Variants in FAT3 observed in about 807,000 individuals in gnomAD.
FAT3 encodes the protein FAT atypical cadherin 3.
FAT3 carries 95 observed loss-of-function variants against 310.2 expected under a neutral mutation model. The observed-to-expected ratio is 0.31, with a 90% CI of 0.26 to 0.36. The LOEUF is 0.36. Ranked by LOEUF, FAT3 falls within the 10% of genes least tolerant of loss-of-function variation. The pLI, the probability that FAT3 is intolerant of heterozygous loss-of-function variation, is 1.00. For missense variants in FAT3, 5,408 were observed against 5,715.6 expected (o/e 0.95, Z 1.74); for synonymous variants, 2,314 against 2,192.9 (o/e 1.06, Z -1.54).
chr11:92,561,666 C>T (rs1440545116), intron 3 of FAT3, among the ~76,000 whole-genome samples: 2 of 151,920 alleles, frequency 1.3e-5, no homozygotes, highest in East Asian at 1.9e-4. Context: ...CGCTCTGTCC[C>T]CCAGGCTGGA....
rs1280461188 is a variant in FAT3 at position 92,797,821 on chromosome 11, AT to A, written c.4823-12del. ...CCACATGTAACTCATTTCACCATTG[AT>A]TTCTGTATTTTAGGGAACACTGGGA... On this transcript the variant is annotated splice_polypyrimidine_tract_variant and intron_variant, in intron 9 of 27. Coordinates refer to ENST00000525166, the MANE Select transcript of FAT3 (RefSeq NM_001367949.2). 2.5e-6 allele frequency: 4 copies of A among 1,596,960 alleles called. No homozygotes were observed.
intron 4 of FAT3, among the ~76,000 whole-genome samples, chr11:92,733,777 A>C (rs1945258693): frequency 6.6e-6 from 1 of 152,244 alleles, no homozygotes; most frequent in Admixed American, 6.5e-5. Flanking sequence ...ATATGGGATG[A>C]AATCTTGTGC....
chr11:92,566,680 C>G (rs1955461870), intron 3 of FAT3, among the ~76,000 whole-genome samples: 1 of 149,868 alleles, frequency 6.7e-6, no homozygotes, highest in Non-Finnish European at 1.5e-5. Flanking sequence ...GTACTGGTAC[C>G]AAAACAGAGA....
intron 1 of FAT3, among the ~76,000 whole-genome samples, chr11:92,245,556 T>C (rs1163086543): frequency 6.6e-6 from 1 of 152,116 alleles, no homozygotes; most frequent in Non-Finnish European, 1.5e-5. Flanking sequence ...GACCACCCTT[T>C]GGGAGCCATT....
In FAT3 at chr11:92,761,856, G is replaced by A. The variant is rs371254488; in HGVS notation, c.3670G>A (p.Val1224Met). 2.1e-5 allele frequency: 34 copies of A among 1,610,536 alleles called. No homozygotes were observed. Among genetic ancestry groups the A allele is most frequent in the Non-Finnish European group, 2.8e-5 (33 of 1,178,436 alleles). ...REQQAEHFLE[V>M]TVTDGGPSPK... ...GATCACATCATACTCTCTTTTTCAGGTGACTGTGACAGATGGTGGTCCCTC... is the reference window on the plus strand; with the variant it reads ...GATCACATCATACTCTCTTTTTCAGATGACTGTGACAGATGGTGGTCCCTC... Residue 1224 changes from valine (V) to methionine (M), a missense_variant and splice_region_variant, in exon 5 of 28, where the codon GTG becomes ATG. Transcript: ENST00000525166.
chr11:92,799,412 C>T lies in FAT3; in HGVS notation c.6399C>T (p.Asn2133=). The change falls in exon 10 of 28, where the codon AAC becomes AAT. Residue 2133 remains asparagine, a synonymous_variant. Transcript: ENST00000525166. ...LQDDYGHFEI[N]PNSGNVILKE... is the part of the protein sequence containing the mutation. The stretch of plus-strand genomic sequence containing the variant: ...ATGACTATGGCCACTTTGAAATTAA[C>T]CCTAATTCAGGGAATGTTATTTTAA... 1 of 1,613,548 alleles carries T rather than the reference C, an allele frequency of 6.2e-7. No homozygotes were observed. The highest frequency in any genetic ancestry group is 8.5e-7 in the Non-Finnish European group (1 of 1,179,708).
At chr11:92,434,192 G>A (rs183926156) in intron 2 of FAT3, among the ~76,000 whole-genome samples, 28 of 152,220 alleles carry the variant, frequency 1.8e-4, no homozygotes, top group African/African-American at 6.7e-4. Flanking sequence ...AAGTAAGGTA[G>A]TAGTGAAATG....
At chr11:92,402,905 A>C (rs1295267237) in intron 2 of FAT3, among the ~76,000 whole-genome samples, 1 of 152,016 alleles carries the variant, frequency 6.6e-6, no homozygotes. Flanking sequence ...TTAAAACTGC[A>C]GAAAACCAAA....
intron 2 of FAT3, among the ~76,000 whole-genome samples, chr11:92,390,477 A>G (rs1949724479): frequency 6.6e-6 from 1 of 152,142 alleles, no homozygotes; most frequent in African/African-American, 2.4e-5. Context: ...TCAAGGAGCC[A>G]TAGTGGTTGC....
chr11:92,584,728 C>G (rs1939042316), intron 3 of FAT3, among the ~76,000 whole-genome samples: 1 of 151,944 alleles, frequency 6.6e-6, no homozygotes, highest in Non-Finnish European at 1.5e-5. Flanking sequence ...AGTCTGTGAT[C>G]TTCACTGAGG....
rs1366673194 is a variant in FAT3, at chr11:92,535,201, C to A, written c.3607+10253C>A. Among the ~76,000 whole-genome samples the A allele has an allele frequency of 3.9e-5, 6 of 152,112 alleles. No homozygotes were observed. In the South Asian group the frequency reaches 1.0e-3, roughly 26 times the overall value. On this transcript the variant is annotated intron_variant, in intron 3 of 27. Transcript: ENST00000525166. ...GAGGTTATTGTGTTGGAGGCCCCAA[C>A]AACAGCCCTGAGAAGATGGAAGCAG... is the stretch of plus-strand genomic sequence containing the variant.
At chr11:92,489,791 C>T (rs1237304525) in intron 2 of FAT3, among the ~76,000 whole-genome samples, 1 of 151,990 alleles carries the variant, frequency 6.6e-6, no homozygotes, top group East Asian at 1.9e-4. Flanking sequence ...GGGGAAAATA[C>T]ATTATGACAC....
chr11:92,637,488 G>A (rs949094230), intron 3 of FAT3, among the ~76,000 whole-genome samples: 10 of 152,150 alleles, frequency 6.6e-5, no homozygotes, highest in Non-Finnish European at 1.3e-4. Context: ...TCTCACTTTT[G>A]CAATGAATCA....
chr11:92,781,591 T>C (rs775872818), intron 7 of FAT3, among the ~76,000 whole-genome samples: 7 of 152,176 alleles, frequency 4.6e-5, no homozygotes, highest in African/African-American at 1.7e-4. Context: ...TAACTCATTA[T>C]TGAAATCATC....
chr11:92,888,189 T>C (rs1353908569), intron 25 of FAT3, among the ~76,000 whole-genome samples: 1 of 152,188 alleles, frequency 6.6e-6, no homozygotes, highest in Non-Finnish European at 1.5e-5. Context: ...GCAGATGCCT[T>C]CAGTGTATCT....
chr11:92,841,434 A>G (rs1202736272), intron 18 of FAT3, among the ~76,000 whole-genome samples: 1 of 152,200 alleles, frequency 6.6e-6, no homozygotes, highest in Admixed American at 6.5e-5. Flanking sequence ...AATAATAGCA[A>G]TAGTAATTAT....
intron 2 of FAT3, among the ~76,000 whole-genome samples, chr11:92,388,991 C>T (rs1240131987): frequency 6.6e-6 from 1 of 152,102 alleles, no homozygotes; most frequent in Non-Finnish European, 1.5e-5. Context: ...AGTCTTTTTC[C>T]TATACTCTCC....
chr11:92,665,751 T>A (rs1341532851), intron 3 of FAT3, among the ~76,000 whole-genome samples: 2 of 152,230 alleles, frequency 1.3e-5, no homozygotes, highest in African/African-American at 4.8e-5. Flanking sequence ...CTCTTCTTCA[T>A]GATACTTCAA....
intron 19 of FAT3, among the ~76,000 whole-genome samples, chr11:92,849,472 C>T (rs1948764510): frequency 6.6e-6 from 1 of 152,196 alleles, no homozygotes; most frequent in African/African-American, 2.4e-5. Flanking sequence ...GCAGACCCAA[C>T]CTGGCTAACC....
Sources: allele counts gnomAD v4.1 joint callset (sites outside exome capture counted in the v4.1 genomes callset), GRCh38; gene constraint gnomAD v4.1.1; transcripts MANE v1.5; gene names NCBI Gene and HGNC (gene_info 2026-07-23, HGNC 2026-07-21).